ATG5: variants seen among roughly 807,000 people sequenced by gnomAD.
The protein encoded by ATG5 is autophagy protein 5.
In ATG5, 14 loss-of-function variants were observed where a neutral mutation model predicts 36.5. The observed-to-expected ratio is 0.38, with a 90% CI of 0.25 to 0.60. ATG5 has a LOEUF of 0.60. Among genes scored for constraint, ATG5 ranks in the 20% least tolerant of loss-of-function variants. The pLI is 0.60. For synonymous variants in ATG5, 95 were observed against 101.5 expected, an observed-to-expected ratio of 0.94 and a Z score of 0.38; for missense variants, 195 against 326.7, an observed-to-expected ratio of 0.60 and a Z score of 3.11.
intron 5 of ATG5, 37 bp downstream of exon 5, chr6:106,279,624 A>G (rs1315418930): frequency 7.2e-7 from 1 of 1,390,212 alleles, no homozygotes; most frequent in African/African-American, 1.5e-5. Context: ...CATATTTTAT[A>G]AAGTGGTATT....
intron 3 of ATG5, among the ~76,000 whole-genome samples, chr6:106,304,819 C>T (rs775368179): frequency 6.6e-6 from 1 of 152,094 alleles, no homozygotes; most frequent in Non-Finnish European, 1.5e-5. Context: ...TGGCCAGGCA[C>T]GGTGGCTCAC....
chr6:106,219,271 T>C (rs2114420746), intron 6 of ATG5, among the ~76,000 whole-genome samples: 1 of 152,316 alleles, frequency 6.6e-6, no homozygotes, highest in East Asian at 1.9e-4. Flanking sequence ...TTTCATGTCA[T>C]TTCTATTTGC....
intron 7 of ATG5, among the ~76,000 whole-genome samples, chr6:106,190,362 C>A (rs1775926254): frequency 6.6e-6 from 1 of 152,108 alleles, no homozygotes; most frequent in Non-Finnish European, 1.5e-5. Flanking sequence ...CAGCATTAAC[C>A]CATTCATGAG....
At chr6:106,281,059 C>G (rs1779860259) in intron 4 of ATG5, among the ~76,000 whole-genome samples, 1 of 152,112 alleles carries the variant, frequency 6.6e-6, no homozygotes, top group African/African-American at 2.4e-5. Flanking sequence ...TCAATTAACC[C>G]TGTCATGGAG....
chr6:106,314,008 G>A (rs528034710), intron 2 of ATG5, among the ~76,000 whole-genome samples: 1 of 152,224 alleles, frequency 6.6e-6, no homozygotes, highest in Non-Finnish European at 1.5e-5. Context: ...TGTATAAGAG[G>A]TTTCTCTGGG....
intron 5 of ATG5, among the ~76,000 whole-genome samples, chr6:106,256,901 C>A (rs1029903348): frequency 2.6e-5 from 4 of 152,102 alleles, no homozygotes; most frequent in African/African-American, 9.7e-5. Flanking sequence ...TTAACTTAAG[C>A]TTACTATAGC....
At chr6:106,266,648 C>T (rs918651820) in intron 5 of ATG5, among the ~76,000 whole-genome samples, 1 of 152,182 alleles carries the variant, frequency 6.6e-6, no homozygotes, top group African/African-American at 2.4e-5. Context: ...AAAAGCTTAT[C>T]CACCACGATC....
chr6:106,305,419 T>G (rs1186403666), intron 3 of ATG5, among the ~76,000 whole-genome samples: 1 of 152,220 alleles, frequency 6.6e-6, no homozygotes, highest in African/African-American at 2.4e-5. Flanking sequence ...AGTCATGATT[T>G]GTCAAGGACT....
chr6:106,255,844 G>A lies in ATG5; in HGVS notation c.479-7600C>T, dbSNP rs145713363. On this transcript the variant is annotated intron_variant, in intron 5 of 7. Transcript: ENST00000369076. Reference sequence around the variant, plus strand: ...AAGAGATTTACAGAGCTACAGCACAGTGGTAGGCCAGGACTAATTATCTAA... The same window carrying A: ...AAGAGATTTACAGAGCTACAGCACAATGGTAGGCCAGGACTAATTATCTAA... Among the ~76,000 whole-genome samples the A allele has an allele frequency of 2.3e-3, 357 of 152,302 alleles. 1 individual carries two copies. Among genetic ancestry groups the A allele is most frequent in the African/African-American group, 8.2e-3 (341 of 41,570 alleles).
intron 6 of ATG5, among the ~76,000 whole-genome samples, chr6:106,244,755 AGCACAGGGCATG>A (rs1373384092): frequency 6.6e-6 from 1 of 152,246 alleles, no homozygotes; most frequent in Non-Finnish European, 1.5e-5. Context: ...CCTTGTGCAT[AGCACAGGGCATG>A]GCAGGCAAAT....
intron 6 of ATG5, among the ~76,000 whole-genome samples, chr6:106,228,982 A>G (rs568679994): frequency 1.8e-4 from 28 of 152,362 alleles, no homozygotes; most frequent in African/African-American, 5.8e-4. Flanking sequence ...GGTTGAGATC[A>G]TGTCGCAGCC....
chr6:106,193,383 CTT>C (rs1776044441), intron 7 of ATG5, among the ~76,000 whole-genome samples: 1 of 152,090 alleles, frequency 6.6e-6, no homozygotes, highest in Admixed American at 6.6e-5. Context: ...AGCTTTGACT[CTT>C]AACATTTTAA....
At chr6:106,267,290 C>T (rs148417179) in intron 5 of ATG5, among the ~76,000 whole-genome samples, 1,836 of 152,210 alleles carry the variant, frequency 0.012, 41 homozygotes, top group African/African-American at 0.042. Flanking sequence ...TTACAAGTGA[C>T]ATGAAGGACC....
At chr6:106,220,877 T>A (rs1222780915) in intron 6 of ATG5, among the ~76,000 whole-genome samples, 1 of 152,230 alleles carries the variant, frequency 6.6e-6, no homozygotes, top group Non-Finnish European at 1.5e-5. Flanking sequence ...AGGGGCATCA[T>A]TCTGGATGCC....
In ATG5 at chr6:106,316,173, C is replaced by T; in HGVS notation, c.36G>A (p.Trp12Ter). ...TGAAACAAGTTGGAATTCGTCCAAA[C>T]CACACATCTCGAAGCACATCTTTGT... ...TDDKDVLRDV[W>*]FGRIPTCFTL... is the part of the protein sequence containing the mutation. Residue 12 changes from tryptophan to a stop codon, truncating the protein, a stop_gained, in exon 2 of 8, where the codon TGG becomes TGA. Transcript: ENST00000369076. LOFTEE classifies it high-confidence loss of function. 1 of 1,613,688 alleles carries T rather than the reference C, an allele frequency of 6.2e-7. No homozygotes were observed. The highest frequency in any genetic ancestry group is 1.7e-5 in the Admixed American group (1 of 59,988).
intron 6 of ATG5, among the ~76,000 whole-genome samples, chr6:106,210,763 G>T (rs1776822053): frequency 1.3e-5 from 2 of 152,194 alleles, no homozygotes; most frequent in African/African-American, 4.8e-5. Flanking sequence ...TCTATAAAAT[G>T]AGGATATTAA....
intron 6 of ATG5, among the ~76,000 whole-genome samples, chr6:106,243,866 A>AT (rs2114501095): frequency 6.6e-6 from 1 of 151,068 alleles, no homozygotes; most frequent in East Asian, 1.9e-4. Context: ...AAAATTAAAA[A>AT]ATATATAAAA....
chr6:106,234,955 T>C (rs1329029219), intron 6 of ATG5, among the ~76,000 whole-genome samples: 1 of 152,244 alleles, frequency 6.6e-6, no homozygotes, highest in African/African-American at 2.4e-5. Context: ...AGGGGGAAGC[T>C]GTTTATTTTT....
chr6:106,202,988 GAGAGAGAGAC>G (rs1776494425), intron 6 of ATG5, among the ~76,000 whole-genome samples: 1 of 152,146 alleles, frequency 6.6e-6, no homozygotes, highest in African/African-American at 2.4e-5. Flanking sequence ...TCTAATGGTT[GAGAGAGAGAC>G]AGAGAGAGAG....
Sources: allele counts gnomAD v4.1 joint callset (sites outside exome capture counted in the v4.1 genomes callset), GRCh38; gene constraint gnomAD v4.1.1; transcripts MANE v1.5; gene names NCBI Gene and HGNC (gene_info 2026-07-23, HGNC 2026-07-21).